Variants in BPTF observed in about 807,000 individuals in gnomAD.
The protein encoded by BPTF is nucleosome-remodeling factor subunit BPTF.
BPTF carries 18 observed loss-of-function variants against 292.5 expected under a neutral mutation model. The ratio of observed to expected loss-of-function variants is 0.06; its 90% CI spans 0.04 to 0.09. BPTF has a LOEUF of 0.09. BPTF is among the 10% of genes least tolerant of loss of function. BPTF has a pLI of 1.00. For synonymous variants in BPTF, 1,225 were observed against 1,251.9 expected (o/e 0.98, Z 0.45); for missense variants, 2,726 against 3,498.7 (o/e 0.78, Z 5.57).
intron 4 of BPTF, among the ~76,000 whole-genome samples, chr17:67,881,682 A>G (rs1598406033): frequency 6.6e-6 from 1 of 150,628 alleles, no homozygotes; most frequent in South Asian, 2.1e-4. Context: ...TTTTGTATTT[A>G]TAGTAGAGAT....
chr17:67,954,011 G>A (rs144424057), intron 23 of BPTF, among the ~76,000 whole-genome samples: 1,297 of 96,556 alleles, frequency 0.013, 34 homozygotes, highest in African/African-American at 0.05. Flanking sequence ...TTGAGAAGCA[G>A]GGCCTTGTTC....
intron 1 of BPTF, among the ~76,000 whole-genome samples, chr17:67,827,930 CTTT>C (rs35169238): frequency 1.2e-4 from 15 of 128,948 alleles, no homozygotes; most frequent in Non-Finnish European, 9.7e-5. Flanking sequence ...AATTTTAGTA[CTTT>C]TTTTTTTTTT....
intron 7 of BPTF, among the ~76,000 whole-genome samples, chr17:67,900,692 A>G (rs1430599610): frequency 6.6e-6 from 1 of 152,152 alleles, no homozygotes; most frequent in Non-Finnish European, 1.5e-5. Flanking sequence ...CCAAAACGAT[A>G]CTAATATTTG....
chr17:67,891,026 A>C (rs1416420668), intron 4 of BPTF, among the ~76,000 whole-genome samples: 2 of 152,152 alleles, frequency 1.3e-5, no homozygotes, highest in African/African-American at 4.8e-5. Flanking sequence ...TGCAGAAAAT[A>C]CAAAAAATTA....
At chr17:67,894,209 C>T in intron 7 of BPTF, 44 bp downstream of exon 7, 4 of 1,562,282 alleles carry the variant, frequency 2.6e-6, no homozygotes, top group Non-Finnish European at 3.5e-6. Context: ...ATTGGACTCC[C>T]TTTTGAAATA....
At chr17:67,930,082 C>T (rs1270883629) in intron 17 of BPTF, among the ~76,000 whole-genome samples, 1 of 147,562 alleles carries the variant, frequency 6.8e-6, no homozygotes. Context: ...TGCCACCACA[C>T]TCTAGCCTGG....
chr17:67,871,004 C>T (rs1006367456), intron 3 of BPTF, among the ~76,000 whole-genome samples: 4 of 151,772 alleles, frequency 2.6e-5, no homozygotes, highest in African/African-American at 4.8e-5. Context: ...ATCTCCTGAC[C>T]TCGTGATCCG....
chr17:67,889,979 T>G (rs2061005848), intron 4 of BPTF, among the ~76,000 whole-genome samples: 1 of 152,198 alleles, frequency 6.6e-6, no homozygotes, highest in African/African-American at 2.4e-5. Context: ...CAAAGAGGTG[T>G]GTTCTTTCTG....
chr17:67,950,697 A>C (rs1249965358), intron 23 of BPTF, among the ~76,000 whole-genome samples: 1 of 151,762 alleles, frequency 6.6e-6, no homozygotes, highest in Non-Finnish European at 1.5e-5. Flanking sequence ...AAAATTAGTC[A>C]GGCATGGTGG....
chr17:67,943,875 T>C (rs1555673073), intron 19 of BPTF, among the ~76,000 whole-genome samples: 7 of 152,158 alleles, frequency 4.6e-5, no homozygotes. Flanking sequence ...TTTTATAGAT[T>C]GGGAAACTTG....
chr17:67,869,827 C>CAAA (rs772941425), intron 3 of BPTF, among the ~76,000 whole-genome samples: 105 of 56,428 alleles, frequency 1.9e-3, no homozygotes, highest in African/African-American at 5.3e-3. Flanking sequence ...ACTAAAAATA[C>CAAA]AAAAAAAAAA....
intron 7 of BPTF, among the ~76,000 whole-genome samples, chr17:67,896,759 T>C (rs2061480645): frequency 6.6e-6 from 1 of 152,218 alleles, no homozygotes; most frequent in Non-Finnish European, 1.5e-5. Context: ...TGGATGTTCA[T>C]GAAAGTACTA....
intron 7 of BPTF, among the ~76,000 whole-genome samples, chr17:67,897,048 C>T (rs2061494104): frequency 6.6e-6 from 1 of 151,870 alleles, no homozygotes; most frequent in Non-Finnish European, 1.5e-5. Flanking sequence ...AAAAAAGAGG[C>T]CGGGCATGGT....
At position 67,964,210 on chromosome 17, in the gene BPTF, A is replaced by G. The variant is rs1057518354; in HGVS notation, c.8262-2A>G. The G allele has an allele frequency of 6.2e-7, 1 of 1,603,606 alleles. No individual in the cohort carries two copies. Among genetic ancestry groups the G allele is most frequent in the Non-Finnish European group, 8.5e-7 (1 of 1,171,050 alleles). ...CTCACATTTCCATTTCGGATCTTGC[A>G]GATTTTATATTGGCTGTGATCGGTG... On this transcript the variant is annotated splice_acceptor_variant, in intron 24 of 27. Coordinates refer to ENST00000306378, the MANE Select transcript of BPTF (RefSeq NM_182641.4). LOFTEE classifies it high-confidence loss of function.
chr17:67,893,180 A>C, intron 5 of BPTF, 190 bp from the exon 6 acceptor site: 2 of 594,174 alleles, frequency 3.4e-6, no homozygotes, highest in South Asian at 2.1e-5. Context: ...CTGCAGGCAT[A>C]TCTTGGTTGT....
At chr17:67,934,870 CAAAAAA>C (rs569120237) in intron 18 of BPTF, among the ~76,000 whole-genome samples, 37 of 91,012 alleles carry the variant, frequency 4.1e-4, no homozygotes, top group Non-Finnish European at 6.4e-4. Context: ...AACTCTGTCT[CAAAAAA>C]AAAAAAAAAA....
rs573741875 is a variant in BPTF at position 67,911,529 on chromosome 17, C to T, written c.3645C>T (p.Ile1215=). The change falls in exon 11 of 28, where the codon ATC becomes ATT. Residue 1215 remains isoleucine, a synonymous_variant. Coordinates refer to ENST00000306378, the MANE Select transcript of BPTF (RefSeq NM_182641.4). ...AAACAAAAGGAAATGATTTTTTCAT[C>T]GATGACTCTAAACTAGCCAGTGCAG... ...KSKTKGNDFF[I]DDSKLASADD... The T allele has an allele frequency of 8.7e-6, 14 of 1,613,188 alleles. No individual in the cohort carries two copies. In the East Asian group the frequency reaches 2.0e-4, roughly 23 times the overall value.
intron 13 of BPTF, 139 bp from the exon 14 acceptor site, chr17:67,922,701 G>A (rs1376862718): frequency 8.1e-6 from 7 of 868,110 alleles, no homozygotes; most frequent in Non-Finnish European, 1.2e-5. Flanking sequence ...ATGATACAAA[G>A]GCACAGCTGA....
Position 67,825,570 on chromosome 17 carries a change from T to C in BPTF, c.-155T>C, listed in dbSNP as rs1401540456. 7.0e-6 allele frequency: 3 copies of C among 431,072 alleles called. No individual in the cohort carries two copies. Among genetic ancestry groups the C allele is most frequent in the Admixed American group, 2.8e-5 (1 of 35,894 alleles). 26.7% of individuals were successfully genotyped at this position (431,072 alleles called of 1,614,324 possible). On this transcript the variant is annotated 5_prime_UTR_variant, in exon 1 of 28. Coordinates refer to ENST00000306378, the MANE Select transcript of BPTF (RefSeq NM_182641.4). ...CGATCCGGAGTGGGGCCCCAGCAAT[T>C]CGGATTGAGCCTTCTCCCTCCACCC...
Sources: allele counts gnomAD v4.1 joint callset (sites outside exome capture counted in the v4.1 genomes callset), GRCh38; gene constraint gnomAD v4.1.1; transcripts MANE v1.5; gene names NCBI Gene and HGNC (gene_info 2026-07-23, HGNC 2026-07-21).